TTC17: variants seen among roughly 807,000 people sequenced by gnomAD.
TTC17 encodes tetratricopeptide repeat protein 17.
A neutral mutation model predicts 143.8 loss-of-function variants in TTC17; 58 were observed. That is an observed-to-expected ratio of 0.40 (90% confidence interval 0.33 to 0.50). The LOEUF (loss-of-function observed/expected upper bound fraction) is 0.50, where lower values mean the gene tolerates loss of function less well. TTC17 is among the 20% of genes least tolerant of loss of function. The pLI is 0.49. For synonymous variants in TTC17, 501 were observed against 497.8 expected (o/e 1.01, Z -0.09); for missense variants, 1,273 against 1,392.5 (o/e 0.91, Z 1.37).
intron 21 of TTC17, among the ~76,000 whole-genome samples, chr11:43,468,973 C>T (rs565022824): frequency 6.6e-6 from 1 of 152,070 alleles, no homozygotes; most frequent in African/African-American, 2.4e-5. Context: ...ATTCACAATA[C>T]GTATATATGA....
chr11:43,410,764 A>G (rs1858373588), intron 15 of TTC17, among the ~76,000 whole-genome samples: 1 of 152,206 alleles, frequency 6.6e-6, no homozygotes, highest in Non-Finnish European at 1.5e-5. Flanking sequence ...TATTCTTCCC[A>G]GTCTTCCTCA....
chr11:43,409,640 A>G (rs1301796684), intron 15 of TTC17, among the ~76,000 whole-genome samples: 1 of 152,186 alleles, frequency 6.6e-6, no homozygotes, highest in African/African-American at 2.4e-5. Context: ...GTACAGAGTA[A>G]GGGATTTATG....
At chr11:43,388,730 C>T (rs932877644) in intron 2 of TTC17, among the ~76,000 whole-genome samples, 1 of 150,140 alleles carries the variant, frequency 6.7e-6, no homozygotes, top group Non-Finnish European at 1.5e-5. Flanking sequence ...TCCCAGTACT[C>T]TGTGAGGCCA....
chr11:43,434,614 A>G (rs1264545300), intron 16 of TTC17, among the ~76,000 whole-genome samples: 1 of 152,222 alleles, frequency 6.6e-6, no homozygotes, highest in African/African-American at 2.4e-5. Flanking sequence ...CATTTCATGT[A>G]GTTCCCCTTT....
intron 21 of TTC17, among the ~76,000 whole-genome samples, chr11:43,457,460 A>G (rs1271385562): frequency 6.6e-6 from 1 of 152,144 alleles, no homozygotes; most frequent in African/African-American, 2.4e-5. Flanking sequence ...GCAAGAATGT[A>G]TGGTTGATAA....
Position 43,414,574 on chromosome 11 carries a change from T to G in TTC17, c.2065-16T>G. The G allele has an allele frequency of 6.3e-7, 1 of 1,584,832 alleles. No individual in the cohort carries two copies. The highest frequency in any genetic ancestry group is 8.6e-7 in the Non-Finnish European group (1 of 1,167,664). On this transcript the variant is annotated splice_polypyrimidine_tract_variant and intron_variant, in intron 15 of 23. Transcript: ENST00000039989. ...ATTAGTTCATTAACATTTTGCCGAT[T>G]TTTTTTTCTTTTCAGCCTCTGACCT...
rs187118113 is a variant in TTC17, at chr11:43,382,849, C to T, written c.249+3527C>T. 2.5e-3 allele frequency among the ~76,000 whole-genome samples: 377 copies of T among 152,266 alleles called. 3 individuals are homozygous for T. Among genetic ancestry groups the T allele is most frequent in the African/African-American group, 8.8e-3 (364 of 41,556 alleles). On this transcript the variant is annotated intron_variant, in intron 2 of 23. Transcript: ENST00000039989. ...AATTCCCCTAGAGTGGCAAACTCTACAGAACAAACAATCCAATTTCCTTTT... is the reference window on the plus strand; with the variant it reads ...AATTCCCCTAGAGTGGCAAACTCTATAGAACAAACAATCCAATTTCCTTTT...
chr11:43,368,265 T>C (rs1456387224), intron 1 of TTC17, among the ~76,000 whole-genome samples: 5 of 152,168 alleles, frequency 3.3e-5, no homozygotes, highest in Non-Finnish European at 1.5e-5. Context: ...TTCTAAAGAC[T>C]CTCAAATCTT....
At chr11:43,377,410 T>TAC (rs1439507610) in intron 1 of TTC17, among the ~76,000 whole-genome samples, 3 of 152,246 alleles carry the variant, frequency 2.0e-5, no homozygotes, top group Non-Finnish European at 4.4e-5. Context: ...CATACTCTGA[T>TAC]AATCTAAGGA....
chr11:43,488,328 CAGTTA>C (rs537599131), intron 21 of TTC17, among the ~76,000 whole-genome samples: 207 of 152,152 alleles, frequency 1.4e-3, no homozygotes, highest in African/African-American at 4.8e-3. Context: ...ATCAGACAAG[CAGTTA>C]AGTTTTCTGA....
intron 16 of TTC17, among the ~76,000 whole-genome samples, chr11:43,423,318 T>A (rs1946950987): frequency 6.6e-6 from 1 of 152,340 alleles, no homozygotes; most frequent in East Asian, 1.9e-4. Flanking sequence ...GGAGAAATCA[T>A]CTATGCATTG....
chr11:43,419,485 C>T (rs774206803), intron 16 of TTC17, among the ~76,000 whole-genome samples: 9 of 152,096 alleles, frequency 5.9e-5, no homozygotes, highest in Non-Finnish European at 8.8e-5. Flanking sequence ...TTGTAACTTG[C>T]AGCTTAAAGC....
chr11:43,375,484 A>T (rs1051944181), intron 1 of TTC17, among the ~76,000 whole-genome samples: 2 of 152,182 alleles, frequency 1.3e-5, no homozygotes, highest in Non-Finnish European at 2.9e-5. Context: ...TATAATTCTG[A>T]ATTAAAATAT....
chr11:43,469,998 A>G (rs1159534880), intron 21 of TTC17, among the ~76,000 whole-genome samples: 1 of 152,226 alleles, frequency 6.6e-6, no homozygotes, highest in African/African-American at 2.4e-5. Context: ...GAAAGGGTAA[A>G]TGTTCGAGGA....
At chr11:43,424,235 G>A (rs1321387515) in intron 16 of TTC17, among the ~76,000 whole-genome samples, 2 of 151,830 alleles carry the variant, frequency 1.3e-5, no homozygotes, top group African/African-American at 4.8e-5. Context: ...TGGAAATACA[G>A]GTGCCCACCA....
chr11:43,389,608 A>C, intron 2 of TTC17, 44 bp from the exon 3 acceptor site: 2 of 1,534,876 alleles, frequency 1.3e-6, no homozygotes. Flanking sequence ...AGTTAGACTA[A>C]AATATTAGAA....
intron 21 of TTC17, among the ~76,000 whole-genome samples, chr11:43,465,433 A>C (rs1947952269): frequency 6.6e-6 from 1 of 152,244 alleles, no homozygotes; most frequent in South Asian, 2.1e-4. Flanking sequence ...ACTTGAAATA[A>C]CAATGATAAT....
intron 21 of TTC17, among the ~76,000 whole-genome samples, chr11:43,489,592 G>A (rs1286491615): frequency 6.6e-6 from 1 of 152,070 alleles, no homozygotes; most frequent in Non-Finnish European, 1.5e-5. Context: ...ACAAAAATTA[G>A]ACAGGCGTGG....
chr11:43,446,954 C>G (rs1164883511), intron 18 of TTC17, among the ~76,000 whole-genome samples: 1 of 152,216 alleles, frequency 6.6e-6, no homozygotes, highest in Non-Finnish European at 1.5e-5. Flanking sequence ...CTGCCAGTTG[C>G]TAGCCAGGTG....
Sources: allele counts gnomAD v4.1 joint callset (sites outside exome capture counted in the v4.1 genomes callset), GRCh38; gene constraint gnomAD v4.1.1; transcripts MANE v1.5; gene names NCBI Gene and HGNC (gene_info 2026-07-23, HGNC 2026-07-21).